ZBTB20: variants seen among roughly 807,000 people sequenced by gnomAD.
ZBTB20 encodes zinc finger and BTB domain containing 20, also known as zinc finger and BTB domain-containing protein 20.
A neutral mutation model predicts 56.9 loss-of-function variants in ZBTB20; 9 were observed. The ratio of observed to expected loss-of-function variants is 0.16; its 90% CI spans 0.10 to 0.28. The LOEUF is 0.28. Among genes scored for constraint, ZBTB20 ranks in the 10% least tolerant of loss-of-function variants. ZBTB20 has a pLI of 1.00. For synonymous variants in ZBTB20, 417 were observed against 420.7 expected (o/e 0.99, Z 0.11); for missense variants, 655 against 1,003.0 (o/e 0.65, Z 4.69).
At position 114,354,574 on chromosome 3, in the gene ZBTB20, T is replaced by G. The variant is rs566269042; in HGVS notation, c.200-2696A>C. ...TGTGTTCTGAACAGGTTTTTTTTTG[T>G]TTTGTTTTGTTTGTTTTTTTTTTTT... On this transcript the variant is annotated intron_variant, in intron 10 of 11. Coordinates refer to ENST00000675478, the MANE Select transcript of ZBTB20 (RefSeq NM_001348800.3). Among the ~76,000 whole-genome samples the G allele has an allele frequency of 1.5e-3, 185 of 122,120 alleles. 1 individual carries two copies. The highest frequency in any genetic ancestry group is 4.8e-3 in the Middle Eastern group (1 of 210). The allele number at this position is 122,120 out of a possible 152,430, so 80.1% of individuals were successfully genotyped here.
At chr3:114,634,250 A>G (rs1234864052) in intron 6 of ZBTB20, among the ~76,000 whole-genome samples, 1 of 152,220 alleles carries the variant, frequency 6.6e-6, no homozygotes, top group African/African-American at 2.4e-5. Flanking sequence ...CACTGAAAAT[A>G]TATCACTGAA....
At chr3:114,960,367 T>C (rs903085297) in intron 3 of ZBTB20, among the ~76,000 whole-genome samples, 1 of 152,224 alleles carries the variant, frequency 6.6e-6, no homozygotes, top group Non-Finnish European at 1.5e-5. Flanking sequence ...ATATTTATAT[T>C]TCACTATCCT....
At chr3:114,913,031 C>T (rs2075603767) in intron 3 of ZBTB20, among the ~76,000 whole-genome samples, 1 of 151,984 alleles carries the variant, frequency 6.6e-6, no homozygotes, top group Admixed American at 6.6e-5. Context: ...TTAACTAGTG[C>T]TGCAATAAAC....
intron 6 of ZBTB20, among the ~76,000 whole-genome samples, chr3:114,585,255 G>C (rs1577759370): frequency 6.6e-6 from 1 of 152,102 alleles, no homozygotes; most frequent in Non-Finnish European, 1.5e-5. Flanking sequence ...TTTCTATGAG[G>C]AGGCTAATGG....
chr3:114,800,948 T>C (rs915965642), intron 5 of ZBTB20, among the ~76,000 whole-genome samples, 153 bp downstream of exon 5: 2 of 146,076 alleles, frequency 1.4e-5, no homozygotes, highest in Non-Finnish European at 3.0e-5. Flanking sequence ...GACCAACAAC[T>C]TTTTTTTTTT....
chr3:114,881,282 A>T (rs2076388714), intron 4 of ZBTB20, among the ~76,000 whole-genome samples: 1 of 152,186 alleles, frequency 6.6e-6, no homozygotes, highest in South Asian at 2.1e-4. Context: ...TATGCTTACA[A>T]AAACCATGTG....
intron 6 of ZBTB20, among the ~76,000 whole-genome samples, chr3:114,553,051 C>T (rs1388849802): frequency 6.6e-6 from 1 of 152,160 alleles, no homozygotes; most frequent in East Asian, 1.9e-4. Context: ...TTTCTTGAGA[C>T]AGTTATATGA....
At chr3:114,466,279 C>T (rs1048051561) in intron 7 of ZBTB20, among the ~76,000 whole-genome samples, 1 of 152,158 alleles carries the variant, frequency 6.6e-6, no homozygotes, top group Admixed American at 6.5e-5. Context: ...CTTCACACCC[C>T]GTTACTTTGT....
chr3:114,587,652 C>T (rs569208007), intron 6 of ZBTB20, among the ~76,000 whole-genome samples: 1 of 152,136 alleles, frequency 6.6e-6, no homozygotes, highest in Non-Finnish European at 1.5e-5. Context: ...TACTTCACAC[C>T]ATAAATATGT....
chr3:114,821,630 T>C (rs1332413089), intron 4 of ZBTB20, among the ~76,000 whole-genome samples: 1 of 152,106 alleles, frequency 6.6e-6, no homozygotes, highest in Non-Finnish European at 1.5e-5. Flanking sequence ...GCTTCCCACC[T>C]ACCGTACTTT....
At chr3:114,633,264 A>G (rs1326644510) in intron 6 of ZBTB20, among the ~76,000 whole-genome samples, 1 of 152,166 alleles carries the variant, frequency 6.6e-6, no homozygotes, top group Non-Finnish European at 1.5e-5. Flanking sequence ...GCCTACAGTC[A>G]AATGTTTCTA....
At chr3:114,525,501 T>C (rs141912704) in intron 6 of ZBTB20, among the ~76,000 whole-genome samples, 63 of 152,302 alleles carry the variant, frequency 4.1e-4, no homozygotes, top group African/African-American at 1.5e-3. Flanking sequence ...ACCAATTCTT[T>C]GAGTCCCAGC....
chr3:114,579,394 G>A (rs146745681), intron 6 of ZBTB20, among the ~76,000 whole-genome samples: 16 of 151,478 alleles, frequency 1.1e-4, no homozygotes, highest in African/African-American at 3.1e-4. Flanking sequence ...ACAAAACTAC[G>A]TATCAAAACA....
intron 3 of ZBTB20, among the ~76,000 whole-genome samples, chr3:114,966,657 G>T (rs1026451044): frequency 2.6e-5 from 4 of 151,868 alleles, no homozygotes; most frequent in African/African-American, 9.7e-5. Context: ...AAATAAAATG[G>T]TATGTCCAGT....
At chr3:114,736,569 T>C (rs925147426) in intron 5 of ZBTB20, among the ~76,000 whole-genome samples, 3 of 152,186 alleles carry the variant, frequency 2.0e-5, no homozygotes, top group African/African-American at 7.2e-5. Flanking sequence ...GCTGTTTTCT[T>C]GTTCTAACTC....
chr3:114,855,016 TAATCTTA>T (rs1483633705), intron 4 of ZBTB20, among the ~76,000 whole-genome samples: 3 of 152,216 alleles, frequency 2.0e-5, no homozygotes, highest in African/African-American at 4.8e-5. Flanking sequence ...TAATTTATCC[TAATCTTA>T]AATCTTTACG....
At position 114,569,522 on chromosome 3, in the gene ZBTB20, C is replaced by A. The variant is rs567164437; in HGVS notation, c.-294-69131G>T. 2.0e-5 allele frequency among the ~76,000 whole-genome samples: 3 copies of A among 152,284 alleles called. No individual in the cohort carries two copies. The South Asian group carries it at 6.2e-4, about 32-fold the overall frequency. On this transcript the variant is annotated intron_variant, in intron 6 of 11. Coordinates refer to ENST00000675478, the MANE Select transcript of ZBTB20 (RefSeq NM_001348800.3). ...GCTCTTACATTCTATGACTCTCTGA[C>A]CGCAGATCAGTCAGGTCTCCTGGAT... is the stretch of plus-strand genomic sequence containing the variant.
chr3:114,353,025 G>T (rs960152559), intron 10 of ZBTB20, among the ~76,000 whole-genome samples: 8 of 152,202 alleles, frequency 5.3e-5, no homozygotes, highest in Admixed American at 4.6e-4. Context: ...TTCAGAATGA[G>T]AAAGAAAACA....
intron 5 of ZBTB20, among the ~76,000 whole-genome samples, chr3:114,697,308 A>C (rs1328939288): frequency 6.6e-6 from 1 of 152,152 alleles, no homozygotes; most frequent in East Asian, 1.9e-4. Context: ...TCACAAAATA[A>C]GTAAAAACGA....
Sources: gnomAD v4.1 joint callset for allele counts (sites outside exome capture counted in the v4.1 genomes callset) on GRCh38, gnomAD v4.1.1 for gene constraint, MANE v1.5 for transcripts, NCBI Gene and HGNC (gene_info 2026-07-23, HGNC 2026-07-21) for gene names.